SYT11: variants seen among roughly 807,000 people sequenced by gnomAD.
The protein encoded by SYT11 is synaptotagmin-11.
A neutral mutation model predicts 30.4 loss-of-function variants in SYT11; 12 were observed. The ratio of observed to expected loss-of-function variants is 0.39; its 90% confidence interval spans 0.25 to 0.64. The LOEUF is 0.64. Among genes scored for constraint, SYT11 ranks in the 30% least tolerant of loss-of-function variants. The pLI, the probability that SYT11 is intolerant of heterozygous loss-of-function variation, is 0.45. For synonymous variants in SYT11, 204 were observed against 216.0 expected (o/e 0.94, Z 0.49); for missense variants, 412 against 552.0 (o/e 0.75, Z 2.54).
At chr1:155,867,153 G>A (rs150835498) in intron 1 of SYT11, among the ~76,000 whole-genome samples, 3,888 of 151,912 alleles carry the variant, frequency 0.026, 170 homozygotes, top group African/African-American at 0.087. Flanking sequence ...TGCCTCCCAG[G>A]TTCAAGCGAT....
At chr1:155,866,809 A>C in intron 1 of SYT11, among the ~76,000 whole-genome samples, 1 of 151,832 alleles carries the variant, frequency 6.6e-6, no homozygotes, top group East Asian at 1.9e-4. Context: ...AGGGAAGAAA[A>C]CCCCTATTTC....
intron 1 of SYT11, among the ~76,000 whole-genome samples, chr1:155,861,181 CTTGTT>C (rs1322190189): frequency 7.9e-5 from 12 of 152,216 alleles, no homozygotes; most frequent in Non-Finnish European, 1.6e-4. Context: ...TCATTAACTA[CTTGTT>C]CTCACTTATT....
chr1:155,880,700 A>C lies in SYT11; in HGVS notation c.985+77A>C. The C allele has an allele frequency of 5.8e-6, 9 of 1,546,770 alleles. No individual in the cohort carries two copies. In the Admixed American group the frequency reaches 1.5e-4, roughly 27 times the overall value. The stretch of plus-strand genomic sequence containing the variant: ...TTGCCTGTGGCCCAGATAGACCTCC[A>C]CACTTCAAGATCCTTGCCTCTTTCA... On this transcript the variant is annotated intron_variant, in intron 3 of 3. Transcript: ENST00000368324.
In SYT11 at chr1:155,881,990, A is replaced by C. The variant is rs895561884; in HGVS notation, c.*482A>C. 1 of 151,176 alleles carries C rather than the reference A, an allele frequency of 6.6e-6. No homozygotes were observed. The highest frequency in any genetic ancestry group is 1.5e-5 in the Non-Finnish European group (1 of 68,036). The allele number at this position is 151,176 out of a possible 1,614,324, so 9.4% of individuals were successfully genotyped here. ...GTGATCCACCCGCCTCGGCCTCCCA[A>C]AGTGCTGGGATTACAGGTGCGAGCC... is the stretch of plus-strand genomic sequence containing the variant. On this transcript the variant is annotated 3_prime_UTR_variant, in exon 4 of 4. Transcript: ENST00000368324.
chr1:155,869,225 A>G (rs1255715138), intron 2 of SYT11, among the ~76,000 whole-genome samples: 1 of 147,514 alleles, frequency 6.8e-6, no homozygotes, highest in African/African-American at 2.5e-5. Context: ...CCCTTTCCCA[A>G]CCCTAACCTA....
At chr1:155,872,036 A>T (rs1350266610) in intron 2 of SYT11, among the ~76,000 whole-genome samples, 1 of 152,102 alleles carries the variant, frequency 6.6e-6, no homozygotes, top group Non-Finnish European at 1.5e-5. Flanking sequence ...AAGCTACTGC[A>T]CTCTAGCCTG....
At position 155,883,990 on chromosome 1, in the gene SYT11, A is replaced by G. The variant is rs952359621; in HGVS notation, c.*2482A>G. On this transcript the variant is annotated 3_prime_UTR_variant, in exon 4 of 4. Transcript: ENST00000368324. ...TAGTCTCTGTCCTATACCCCATGAA[A>G]TGTAAATACTGTATCATAAGTAGAA... The G allele has an allele frequency of 6.6e-5, 10 of 152,592 alleles. No homozygotes were observed. The highest frequency in any genetic ancestry group is 5.9e-4 in the Admixed American group (9 of 15,282). 9.5% of individuals were successfully genotyped at this position (152,592 alleles called of 1,614,324 possible).
intron 2 of SYT11, among the ~76,000 whole-genome samples, chr1:155,870,757 G>A (rs879676005): frequency 6.6e-6 from 1 of 152,152 alleles, no homozygotes; most frequent in Admixed American, 6.5e-5. Flanking sequence ...ACAGCAGGGA[G>A]CACACTTTGT....
chr1:155,881,179 A>T lies in SYT11; in HGVS notation c.986-19A>T, dbSNP rs1457538877. On this transcript the variant is annotated intron_variant, in intron 3 of 3. Transcript: ENST00000368324. ...TCATAGGTCTGTCTCCCTTTTTCTT[A>T]TCTCTTTGGGGGCCCCAGATCCTTA... 24 of 1,595,550 alleles carry T rather than the reference A, an allele frequency of 1.5e-5. No individual in the cohort carries two copies. The highest frequency in any genetic ancestry group is 1.7e-4 in the Middle Eastern group (1 of 5,926).
rs1672709963 is a variant in SYT11, at chr1:155,868,027, A to G, written c.97A>G (p.Thr33Ala). 6.2e-7 allele frequency: 1 copy of G among 1,612,504 alleles called. No individual in the cohort carries two copies. Among genetic ancestry groups the G allele is most frequent in the Non-Finnish European group, 8.5e-7 (1 of 1,179,554 alleles). Residue 33 changes from threonine (T) to alanine (A), a missense_variant, in exon 2 of 4, where the codon ACC becomes GCC. Physicochemically the swap from Thr to Ala is moderately conservative, Grantham distance 58. Transcript: ENST00000368324. This position sits in a 1 kb window ranked among gnomAD's most constrained non-coding sequence, Gnocchi z 4.7. ...TGTGCTGGTGGTGTGTGTCTCGGTG[A>G]CCGTCTTTGTCTGGTCATGCTGCCA... ...ASVLVVCVSV[T>A]VFVWSCCHQQ...
At chr1:155,877,433 T>C (rs1672882909) in intron 2 of SYT11, among the ~76,000 whole-genome samples, 3 of 151,914 alleles carry the variant, frequency 2.0e-5, no homozygotes, top group Admixed American at 2.0e-4. Flanking sequence ...AGGGTCTCAC[T>C]CTGTCACCAA....
intron 1 of SYT11, among the ~76,000 whole-genome samples, chr1:155,865,338 A>G (rs1672651787): frequency 6.6e-6 from 1 of 152,082 alleles, no homozygotes; most frequent in Admixed American, 6.5e-5. Context: ...TGATACAAGA[A>G]TGCTTTAGGC....
chr1:155,866,673 A>G (rs1419189613), intron 1 of SYT11, among the ~76,000 whole-genome samples: 14 of 152,000 alleles, frequency 9.2e-5, no homozygotes, highest in Admixed American at 7.2e-4. Flanking sequence ...CGGCATGTTG[A>G]AAAAAATTAA....
intron 1 of SYT11, among the ~76,000 whole-genome samples, chr1:155,864,283 T>C (rs1672634920): frequency 6.6e-6 from 1 of 152,176 alleles, no homozygotes; most frequent in Non-Finnish European, 1.5e-5. Flanking sequence ...TCTACCACAA[T>C]GCCTGGCAGG....
rs1243086511 is a variant in SYT11, at chr1:155,883,638, G to T, written c.*2130G>T. The T allele has an allele frequency of 6.6e-6, 1 of 152,148 alleles. No homozygotes were observed. Among genetic ancestry groups the T allele is most frequent in the Non-Finnish European group, 1.5e-5 (1 of 68,026 alleles). The allele number at this position is 152,148 out of a possible 1,614,324, so 9.4% of individuals were successfully genotyped here. A position where few individuals can be genotyped will look rare whatever the true frequency, so the allele number is the denominator to read the frequency against. On this transcript the variant is annotated 3_prime_UTR_variant, in exon 4 of 4. Coordinates refer to ENST00000368324, the MANE Select transcript of SYT11 (RefSeq NM_152280.5). ...AACTCAGTCAAGCTGTTGCTTAACA[G>T]CTTGATCCAGGGCGTGAAAGGTTAG... is the stretch of plus-strand genomic sequence containing the variant.
rs201050124 is a variant in SYT11 at position 155,868,030 on chromosome 1, G to A, written c.100G>A (p.Val34Ile). The A allele has an allele frequency of 2.7e-5, 44 of 1,613,576 alleles. No individual in the cohort carries two copies. The highest frequency in any genetic ancestry group is 2.0e-4 in the African/African-American group (15 of 74,870). The change falls in exon 2 of 4, where the codon GTC becomes ATC. Residue 34 changes from valine (V) to isoleucine (I), a missense_variant. By Grantham distance (29) the Val-to-Ile change is conservative (BLOSUM62 3). Coordinates refer to ENST00000368324, the MANE Select transcript of SYT11 (RefSeq NM_152280.5). This position sits in a 1 kb window ranked among gnomAD's most constrained non-coding sequence, Gnocchi z 4.7. Reference sequence around the variant, plus strand: ...GCTGGTGGTGTGTGTCTCGGTGACCGTCTTTGTCTGGTCATGCTGCCACCA... The same window carrying A: ...GCTGGTGGTGTGTGTCTCGGTGACCATCTTTGTCTGGTCATGCTGCCACCA... Reference protein sequence around the residue: ...SVLVVCVSVTVFVWSCCHQQA... With the variant: ...SVLVVCVSVTIFVWSCCHQQA...
intron 2 of SYT11, among the ~76,000 whole-genome samples, chr1:155,878,897 AAATTAATT>A (rs1039897488): frequency 2.0e-5 from 3 of 151,294 alleles, no homozygotes; most frequent in Admixed American, 6.6e-5. Flanking sequence ...ATAAATAAAT[AAATTAATT>A]AATTAATTAA....
At position 155,882,561 on chromosome 1, in the gene SYT11, T is replaced by G. The variant is rs1340168448; in HGVS notation, c.*1053T>G. On this transcript the variant is annotated 3_prime_UTR_variant, in exon 4 of 4. Transcript: ENST00000368324. ...AAGCACAGAGAATACATCAGACTTA[T>G]GCATCCAAGACATCAGAACTTGGAT... 9 of 152,368 alleles carry G rather than the reference T, an allele frequency of 5.9e-5. No homozygotes were observed. Among genetic ancestry groups the G allele is most frequent in the Non-Finnish European group, 1.3e-4 (9 of 68,042 alleles). 9.4% of individuals were successfully genotyped at this position (152,368 alleles called of 1,614,324 possible).
chr1:155,880,598 G>A lies in SYT11; in HGVS notation c.960G>A (p.Lys320=), dbSNP rs762173276. ...TCCTCAAAGCCAGACACTTGCCGAAGATGGATATCACCGGTCTCTCAGGTA... is the reference window on the plus strand; with the variant it reads ...TCCTCAAAGCCAGACACTTGCCGAAAATGGATATCACCGGTCTCTCAGGTA... ...VVVLKARHLP[K]MDITGLSGNP... is the part of the protein sequence containing the mutation. Residue 320 remains lysine, a synonymous_variant, in exon 3 of 4, where the codon AAG becomes AAA. Transcript: ENST00000368324. 2 of 1,614,066 alleles carry A rather than the reference G, an allele frequency of 1.2e-6. No individual in the cohort carries two copies. The highest frequency in any genetic ancestry group is 4.5e-5 in the East Asian group (2 of 44,882).
Sources: allele counts gnomAD v4.1 joint callset (sites outside exome capture counted in the v4.1 genomes callset), GRCh38; gene constraint gnomAD v4.1.1; non-coding constraint Gnocchi (gnomAD v3.1); transcripts MANE v1.5; gene names NCBI Gene and HGNC (gene_info 2026-07-23, HGNC 2026-07-21).